OR4L1: variants seen among roughly 807,000 people sequenced by gnomAD.
OR4L1 encodes the protein olfactory receptor 4L1.
For missense variants in OR4L1, 446 were observed against 368.5 expected (o/e 1.21, Z -1.72); for synonymous variants, 156 against 135.3 (o/e 1.15, Z -1.06).
chr14:20,060,103 G>C lies in OR4L1; in HGVS notation c.59G>C (p.Arg20Pro). ...TEFILLGFFG[R>P]WELQIFFFVT... ...TTTATTTTACTAGGATTTTTTGGAC[G>C]ATGGGAACTTCAAATTTTCTTCTTT... The change falls in exon 1 of 1, where the codon CGA becomes CCA. Residue 20 changes from arginine to proline, a missense_variant. Physicochemically the swap from Arg to Pro is moderately radical, Grantham distance 103. Transcript: ENST00000315683. 1 of 1,575,878 alleles carries C rather than the reference G, an allele frequency of 6.3e-7. No homozygotes were observed. The highest frequency in any genetic ancestry group is 8.6e-7 in the Non-Finnish European group (1 of 1,166,262).
Position 20,060,851 on chromosome 14 carries a change from A to C in OR4L1, c.807A>C (p.Lys269Asn), listed in dbSNP as rs766506869. The C allele has an allele frequency of 6.2e-7, 1 of 1,612,428 alleles. No individual in the cohort carries two copies. Among genetic ancestry groups the C allele is most frequent in the Middle Eastern group, 1.7e-4 (1 of 6,046 alleles). The part of the protein sequence containing the change: ...VWPFSSLASN[K>N]TLAVFYTVIT... Reference sequence around the variant, plus strand: ...CATTCAGTAGTTTGGCAAGCAATAAAACTCTTGCCGTATTTTATACAGTTA... The same window carrying C: ...CATTCAGTAGTTTGGCAAGCAATAACACTCTTGCCGTATTTTATACAGTTA... The change falls in exon 1 of 1, where the codon AAA (lysine) becomes AAC (asparagine). Residue 269 changes from lysine (K) to asparagine (N), a missense_variant. Transcript: ENST00000315683.
At position 20,060,654 on chromosome 14, in the gene OR4L1, G is replaced by T; in HGVS notation, c.610G>T (p.Gly204Trp). Residue 204 changes from glycine to tryptophan, a missense_variant, in exon 1 of 1, where the codon GGG (glycine) becomes TGG (tryptophan). By Grantham distance (184) the Gly-to-Trp change is radical. Coordinates refer to ENST00000315683, the MANE Select transcript of OR4L1 (RefSeq NM_001004717.1). ...GGAATTATTTGTCATTGCTGACAGC[G>T]GGCTGCTCTCTTTCACCTGTTTCAT... ...TLELFVIADS[G>W]LLSFTCFILL... The T allele has an allele frequency of 6.2e-7, 1 of 1,613,758 alleles. No homozygotes were observed. Among genetic ancestry groups the T allele is most frequent in the Non-Finnish European group, 8.5e-7 (1 of 1,179,824 alleles).
chr14:20,060,055 A>C lies in OR4L1; in HGVS notation c.11A>C (p.Lys4Thr). MDL[K>T]NGSLVTEFIL... ...TTCTGAGTTGAGTAAATGGATCTTA[A>C]AAATGGATCTCTAGTGACCGAGTTT... Residue 4 changes from lysine (K) to threonine (T), a missense_variant, in exon 1 of 1, where the codon AAA (lysine) becomes ACA (threonine). Transcript: ENST00000315683. 6.7e-7 allele frequency: 1 copy of C among 1,495,714 alleles called. No individual in the cohort carries two copies. The allele number at this position is 1,495,714 out of a possible 1,614,324, so 92.7% of individuals were successfully genotyped here. A position where few individuals can be genotyped will look rare whatever the true frequency, so the allele number is the denominator to read the frequency against.
At position 20,060,253 on chromosome 14, in the gene OR4L1, A is replaced by T. The variant is rs976199092; in HGVS notation, c.209A>T (p.Asp70Val). ...CTCCTTGGAAATCTCTCTTTTTTGG[A>T]CATGTGTCTCTCCACTGCCACAACA... ...YFLLGNLSFL[D>V]MCLSTATTPK... Residue 70 changes from aspartate (D) to valine (V), a missense_variant, in exon 1 of 1, where the codon GAC (aspartate) becomes GTC (valine). Physicochemically the swap from Asp to Val is radical, Grantham distance 152. Transcript: ENST00000315683. The T allele has an allele frequency of 6.2e-7, 1 of 1,608,254 alleles. No individual in the cohort carries two copies. Among genetic ancestry groups the T allele is most frequent in the Admixed American group, 1.7e-5 (1 of 59,528 alleles).
rs1876726992 is a variant in OR4L1 at position 20,060,779 on chromosome 14, T to G, written c.735T>G (p.Ile245Met). 1.2e-6 allele frequency: 2 copies of G among 1,612,692 alleles called. No individual in the cohort carries two copies. Among genetic ancestry groups the G allele is most frequent in the East Asian group, 4.5e-5 (2 of 44,852 alleles). The part of the protein sequence containing the change: ...KALSTLSAHI[I>M]VVTLFFGPCI... ...TGTCCACATTGTCTGCCCACATCATTGTGGTCACTCTGTTCTTTGGACCTT... is the reference window on the plus strand; with the variant it reads ...TGTCCACATTGTCTGCCCACATCATGGTGGTCACTCTGTTCTTTGGACCTT... The change falls in exon 1 of 1, where the codon ATT (isoleucine) becomes ATG (methionine). Residue 245 changes from isoleucine (I) to methionine (M), a missense_variant. Coordinates refer to ENST00000315683, the MANE Select transcript of OR4L1 (RefSeq NM_001004717.1).
At position 20,060,845 on chromosome 14, in the gene OR4L1, C is replaced by A. The variant is rs200065219; in HGVS notation, c.801C>A (p.Ser267Arg). 2 of 1,611,944 alleles carry A rather than the reference C, an allele frequency of 1.2e-6. No individual in the cohort carries two copies. The highest frequency in any genetic ancestry group is 1.7e-6 in the Non-Finnish European group (2 of 1,178,692). The change falls in exon 1 of 1, where the codon AGC (serine) becomes AGA (arginine). Residue 267 changes from serine to arginine, a missense_variant. Physicochemically the swap from Ser to Arg is moderately radical, Grantham distance 110. Transcript: ENST00000315683. ...IYVWPFSSLASNKTLAVFYTV... is the reference protein window; with the variant it reads ...IYVWPFSSLARNKTLAVFYTV... ...TTTGGCCATTCAGTAGTTTGGCAAG[C>A]AATAAAACTCTTGCCGTATTTTATA... is the stretch of plus-strand genomic sequence containing the variant.
chr14:20,060,781 T>G lies in OR4L1; in HGVS notation c.737T>G (p.Val246Gly), dbSNP rs1876727052. 1.2e-6 allele frequency: 2 copies of G among 1,612,474 alleles called. No homozygotes were observed. Among genetic ancestry groups the G allele is most frequent in the Non-Finnish European group, 8.5e-7 (1 of 1,179,364 alleles). Residue 246 changes from valine (V) to glycine (G), a missense_variant, in exon 1 of 1, where the codon GTG (valine) becomes GGG (glycine). Coordinates refer to ENST00000315683, the MANE Select transcript of OR4L1 (RefSeq NM_001004717.1). ...ALSTLSAHIIVVTLFFGPCIF... is the reference protein window; with the variant it reads ...ALSTLSAHIIGVTLFFGPCIF... ...TCCACATTGTCTGCCCACATCATTG[T>G]GGTCACTCTGTTCTTTGGACCTTGT...
chr14:20,060,102 C>A lies in OR4L1; in HGVS notation c.58C>A (p.Arg20=), dbSNP rs201125507. The A allele has an allele frequency of 6.4e-7, 1 of 1,573,182 alleles. No individual in the cohort carries two copies. The change falls in exon 1 of 1, where the codon CGA becomes AGA. Residue 20 remains arginine (R), a synonymous_variant. Coordinates refer to ENST00000315683, the MANE Select transcript of OR4L1 (RefSeq NM_001004717.1). ...GTTTATTTTACTAGGATTTTTTGGACGATGGGAACTTCAAATTTTCTTCTT... is the reference window on the plus strand; with the variant it reads ...GTTTATTTTACTAGGATTTTTTGGAAGATGGGAACTTCAAATTTTCTTCTT... ...TEFILLGFFG[R]WELQIFFFVT...
At position 20,060,572 on chromosome 14, in the gene OR4L1, C is replaced by G. The variant is rs1187504226; in HGVS notation, c.528C>G (p.Asn176Lys). 8.1e-6 allele frequency: 13 copies of G among 1,612,134 alleles called. No homozygotes were observed. The highest frequency in any genetic ancestry group is 1.7e-6 in the Non-Finnish European group (2 of 1,179,112). The change falls in exon 1 of 1, where the codon AAC becomes AAG. Residue 176 changes from asparagine to lysine, a missense_variant. Asn to Lys is a moderately conservative substitution (Grantham distance 94). Coordinates refer to ENST00000315683, the MANE Select transcript of OR4L1 (RefSeq NM_001004717.1). Reference protein sequence around the residue: ...LPFCGHNVINNIFCDLPLVIK... With the variant: ...LPFCGHNVINKIFCDLPLVIK... ...TCTGTGGCCACAATGTCATAAACAA[C>G]ATATTTTGTGATCTTCCCCTTGTGA...
At position 20,060,347 on chromosome 14, in the gene OR4L1, G is replaced by GTTC. The variant is rs773082080; in HGVS notation, c.307_309dup (p.Phe103dup). On this transcript the variant is annotated inframe_insertion, in exon 1 of 1. Transcript: ENST00000315683. ...CTGTGTGGGGCTGCGTGACCCAGAT[G>GTTC]TTCTTCATGCACTTCTTTGGGGGTG... 3 of 1,601,098 alleles carry GTTC rather than the reference G, an allele frequency of 1.9e-6. No homozygotes were observed. Among genetic ancestry groups the GTTC allele is most frequent in the Admixed American group, 1.7e-5 (1 of 58,058 alleles).
In OR4L1 at chr14:20,060,492, A is replaced by G. The variant is rs137929832; in HGVS notation, c.448A>G (p.Ile150Val). The change falls in exon 1 of 1, where the codon ATA (isoleucine) becomes GTA (valine). Residue 150 changes from isoleucine to valine, a missense_variant. Coordinates refer to ENST00000315683, the MANE Select transcript of OR4L1 (RefSeq NM_001004717.1). ...AAAGGGGTTTGCGATACTTTCATGG[A>G]TAATTGGTTTTTTACACTCCATAAG... ...LLKGFAILSW[I>V]IGFLHSISQI... is the part of the protein sequence containing the mutation. The G allele has an allele frequency of 1.4e-5, 22 of 1,613,600 alleles. No individual in the cohort carries two copies. In the African/African-American group the frequency reaches 2.8e-4, roughly 21 times the overall value.
At position 20,060,678 on chromosome 14, in the gene OR4L1, A is replaced by G. The variant is rs754068440; in HGVS notation, c.634A>G (p.Ile212Val). Residue 212 changes from isoleucine to valine, a missense_variant, in exon 1 of 1, where the codon ATC becomes GTC. Physicochemically the swap from Ile to Val is conservative, Grantham distance 29. Coordinates refer to ENST00000315683, the MANE Select transcript of OR4L1 (RefSeq NM_001004717.1). ...DSGLLSFTCFILLLVSYIVIL... is the reference protein window; with the variant it reads ...DSGLLSFTCFVLLLVSYIVIL... ...CGGGCTGCTCTCTTTCACCTGTTTCATCCTCTTGCTTGTTTCTTACATTGT... is the reference window on the plus strand; with the variant it reads ...CGGGCTGCTCTCTTTCACCTGTTTCGTCCTCTTGCTTGTTTCTTACATTGT... 2 of 1,613,920 alleles carry G rather than the reference A, an allele frequency of 1.2e-6. No homozygotes were observed. The highest frequency in any genetic ancestry group is 1.1e-5 in the South Asian group (1 of 91,076).
chr14:20,060,344 G>T lies in OR4L1; in HGVS notation c.300G>T (p.Gln100His). 2.5e-6 allele frequency: 4 copies of T among 1,601,488 alleles called. No homozygotes were observed. The highest frequency in any genetic ancestry group is 3.4e-6 in the Non-Finnish European group (4 of 1,174,888). ...TCTCTGTGTGGGGCTGCGTGACCCA[G>T]ATGTTCTTCATGCACTTCTTTGGGG... ...KTISVWGCVT[Q>H]MFFMHFFGGA... The change falls in exon 1 of 1, where the codon CAG becomes CAT. Residue 100 changes from glutamine to histidine, a missense_variant. Physicochemically the swap from Gln to His is conservative, Grantham distance 24. Coordinates refer to ENST00000315683, the MANE Select transcript of OR4L1 (RefSeq NM_001004717.1).
Position 20,060,952 on chromosome 14 carries a change from T to C in OR4L1, c.908T>C (p.Phe303Ser). The change falls in exon 1 of 1, where the codon TTC (phenylalanine) becomes TCC (serine). Residue 303 changes from phenylalanine to serine, a missense_variant. Transcript: ENST00000315683. ...KMQEAIRKLR[F>S]QYVSSAQNF ...CAAGAGGCCATAAGAAAATTACGGT[T>C]CCAATATGTTAGTTCTGCACAGAAT... 6.4e-7 allele frequency: 1 copy of C among 1,559,574 alleles called. No individual in the cohort carries two copies. Among genetic ancestry groups the C allele is most frequent in the Non-Finnish European group, 8.6e-7 (1 of 1,156,972 alleles).
rs1403584938 is a variant in OR4L1 at position 20,060,228 on chromosome 14, C to G, written c.184C>G (p.Leu62Val). The G allele has an allele frequency of 3.7e-6, 6 of 1,606,876 alleles. No individual in the cohort carries two copies. Among genetic ancestry groups the G allele is most frequent in the Admixed American group, 1.7e-5 (1 of 59,224 alleles). ...RSTLHSPLYF[L>V]LGNLSFLDMC... ...AACCCTTCATTCTCCCTTGTACTTTCTCCTTGGAAATCTCTCTTTTTTGGA... is the reference window on the plus strand; with the variant it reads ...AACCCTTCATTCTCCCTTGTACTTTGTCCTTGGAAATCTCTCTTTTTTGGA... Residue 62 changes from leucine (L) to valine (V), a missense_variant, in exon 1 of 1, where the codon CTC becomes GTC. Leu to Val is a conservative substitution (Grantham distance 32). Coordinates refer to ENST00000315683, the MANE Select transcript of OR4L1 (RefSeq NM_001004717.1).
Position 20,060,515 on chromosome 14 carries a change from A to G in OR4L1, c.471A>G (p.Ile157Met), listed in dbSNP as rs746209865. The G allele has an allele frequency of 6.2e-7, 1 of 1,613,328 alleles. No individual in the cohort carries two copies. Among genetic ancestry groups the G allele is most frequent in the Admixed American group, 1.7e-5 (1 of 59,946 alleles). Residue 157 changes from isoleucine to methionine, a missense_variant, in exon 1 of 1, where the codon ATA becomes ATG. Ile to Met is a conservative substitution (Grantham distance 10). Transcript: ENST00000315683. The stretch of plus-strand genomic sequence containing the variant: ...GGATAATTGGTTTTTTACACTCCAT[A>G]AGCCAGATAGTTTTAACAATGAACT... ...LSWIIGFLHS[I>M]SQIVLTMNLP...
Position 20,060,061 on chromosome 14 carries a change from G to T in OR4L1, c.17G>T (p.Gly6Val). Reference sequence around the variant, plus strand: ...GTTGAGTAAATGGATCTTAAAAATGGATCTCTAGTGACCGAGTTTATTTTA... The same window carrying T: ...GTTGAGTAAATGGATCTTAAAAATGTATCTCTAGTGACCGAGTTTATTTTA... MDLKN[G>V]SLVTEFILLG... The change falls in exon 1 of 1, where the codon GGA (glycine) becomes GTA (valine). Residue 6 changes from glycine to valine, a missense_variant. By Grantham distance (109) the Gly-to-Val change is moderately radical (BLOSUM62 -3). Coordinates refer to ENST00000315683, the MANE Select transcript of OR4L1 (RefSeq NM_001004717.1). 2 of 1,516,082 alleles carry T rather than the reference G, an allele frequency of 1.3e-6. No homozygotes were observed. The highest frequency in any genetic ancestry group is 2.3e-5 in the East Asian group (1 of 43,840). The allele number at this position is 1,516,082 out of a possible 1,614,324, so 93.9% of individuals were successfully genotyped here.
rs762461085 is a variant in OR4L1, at chr14:20,060,365, TG to T, written c.326del (p.Gly109ValfsTer4). The T allele has an allele frequency of 6.2e-6, 10 of 1,604,472 alleles. No individual in the cohort carries two copies. Among genetic ancestry groups the T allele is most frequent in the Middle Eastern group, 1.7e-4 (1 of 6,004 alleles). ...VTQMFFMHFFGGAEMTLLIIM... is the reference protein window; with the variant it reads ...VTQMFFMHFFXGAEMTLLIIM... ...CCCAGATGTTCTTCATGCACTTCTT[TG>T]GGGGTGCTGAGATGACTCTTCTGAT... On this transcript the variant is annotated frameshift_variant, in exon 1 of 1. Transcript: ENST00000315683. LOFTEE classifies it low-confidence loss of function (END_TRUNC).
rs747772078 is a variant in OR4L1, at chr14:20,060,687, C to A, written c.643C>A (p.Leu215Ile). 1 of 1,613,940 alleles carries A rather than the reference C, an allele frequency of 6.2e-7. No individual in the cohort carries two copies. The highest frequency in any genetic ancestry group is 8.5e-7 in the Non-Finnish European group (1 of 1,179,892). The stretch of plus-strand genomic sequence containing the variant: ...CTCTTTCACCTGTTTCATCCTCTTG[C>A]TTGTTTCTTACATTGTCATCCTGGT... ...LLSFTCFILL[L>I]VSYIVILVSV... The change falls in exon 1 of 1, where the codon CTT becomes ATT. Residue 215 changes from leucine to isoleucine, a missense_variant. Physicochemically the swap from Leu to Ile is conservative, Grantham distance 5 (BLOSUM62 2). Coordinates refer to ENST00000315683, the MANE Select transcript of OR4L1 (RefSeq NM_001004717.1).
Sources: gnomAD v4.1 joint callset for allele counts on GRCh38, gnomAD v4.1.1 for gene constraint, MANE v1.5 for transcripts, NCBI Gene and HGNC (gene_info 2026-07-23, HGNC 2026-07-21) for gene names.